The following PLCL1 variants were observed in gnomAD, a reference collection of about 807,000 sequenced individuals.
PLCL1 encodes phospholipase C like 1 (inactive).
PLCL1 carries 41 observed loss-of-function variants against 84.4 expected under a neutral mutation model. That is an observed-to-expected ratio of 0.49 (90% CI 0.38 to 0.63). The LOEUF is 0.63. PLCL1 is among the 30% of genes least tolerant of loss of function. PLCL1 has a pLI of 0.00. For missense variants in PLCL1, 1,206 were observed against 1,367.8 expected, an observed-to-expected ratio of 0.88 and a Z score of 1.87; for synonymous variants, 490 against 488.3, an observed-to-expected ratio of 1.00 and a Z score of -0.05.
intron 1 of PLCL1, among the ~76,000 whole-genome samples, chr2:197,807,559 C>T (rs1160490306): frequency 6.6e-6 from 1 of 152,214 alleles, no homozygotes; most frequent in Non-Finnish European, 1.5e-5. Flanking sequence ...ATTCTTGAAT[C>T]TGCTGCCCTG....
intron 1 of PLCL1, among the ~76,000 whole-genome samples, chr2:197,839,052 G>A (rs140467474): frequency 3.3e-4 from 50 of 152,246 alleles, no homozygotes; most frequent in African/African-American, 1.1e-3. Flanking sequence ...CTTTCATGCC[G>A]TTGTCAACTT....
At chr2:197,912,726 T>C (rs1688507315) in intron 1 of PLCL1, among the ~76,000 whole-genome samples, 2 of 137,622 alleles carry the variant, frequency 1.5e-5, no homozygotes. Flanking sequence ...TTCTCACTCA[T>C]AGGTGGGAAT....
chr2:197,914,094 G>A (rs1182042511), intron 1 of PLCL1, among the ~76,000 whole-genome samples: 1 of 152,086 alleles, frequency 6.6e-6, no homozygotes, highest in Non-Finnish European at 1.5e-5. Context: ...CACTGATAGT[G>A]TGGTCTTTCT....
intron 1 of PLCL1, among the ~76,000 whole-genome samples, chr2:197,993,774 C>T (rs1028520147): frequency 6.6e-6 from 1 of 152,194 alleles, no homozygotes; most frequent in Non-Finnish European, 1.5e-5. Context: ...TCTGCAGGTG[C>T]CTCCTGTTGG....
rs751131417 is a variant in PLCL1 at position 198,084,597 on chromosome 2, C to T, written c.1080C>T (p.Tyr360=). Residue 360 remains tyrosine, a synonymous_variant, in exon 2 of 6, where the codon TAC becomes TAT. Coordinates refer to ENST00000428675, the MANE Select transcript of PLCL1 (RefSeq NM_006226.4). ...EDICLDIIRR[Y]ELSEEGRQKG... ...TATGCTTAGACATCATAAGGAGATA[C>T]GAACTTTCTGAAGAGGGACGTCAAA... 1.1e-5 allele frequency: 18 copies of T among 1,613,642 alleles called. No homozygotes were observed. The highest frequency in any genetic ancestry group is 4.5e-5 in the East Asian group (2 of 44,890).
chr2:198,062,840 T>C (rs933818497), intron 1 of PLCL1, among the ~76,000 whole-genome samples: 19 of 152,246 alleles, frequency 1.2e-4, no homozygotes, highest in Admixed American at 1.2e-3. Context: ...GTGATTCTTA[T>C]AATCAGGTAA....
intron 1 of PLCL1, among the ~76,000 whole-genome samples, chr2:198,048,777 A>G (rs909275535): frequency 6.6e-6 from 1 of 152,200 alleles, no homozygotes; most frequent in African/African-American, 2.4e-5. Flanking sequence ...TCAACATGAG[A>G]TATGGAAGGA....
At chr2:198,024,910 T>G (rs191799959) in intron 1 of PLCL1, among the ~76,000 whole-genome samples, 1 of 152,180 alleles carries the variant, frequency 6.6e-6, no homozygotes, top group African/African-American at 2.4e-5. Flanking sequence ...CTAATGATAC[T>G]TCCATAAACA....
chr2:197,809,451 T>G (rs941448918), intron 1 of PLCL1, among the ~76,000 whole-genome samples: 18 of 152,162 alleles, frequency 1.2e-4, no homozygotes, highest in Non-Finnish European at 1.9e-4. Flanking sequence ...TCCTATGGTT[T>G]GTGGGGTACA....
chr2:198,023,126 C>A (rs1253099977), intron 1 of PLCL1, among the ~76,000 whole-genome samples: 1 of 152,124 alleles, frequency 6.6e-6, no homozygotes, highest in Admixed American at 6.5e-5. Flanking sequence ...TTTGACAAAC[C>A]TGACAAAAAC....
rs893160733 is a variant in PLCL1 at position 197,852,231 on chromosome 2, A to G, written c.240+46892A>G. On this transcript the variant is annotated intron_variant, in intron 1 of 5. Transcript: ENST00000428675. ...TCCTGTTGCACAGCTGCAATGTGGT[A>G]GGGTGGGGGAGGGAGCAGGGAGGAT... Among the ~76,000 whole-genome samples, 5 of 146,448 alleles carry G rather than the reference A, an allele frequency of 3.4e-5. No homozygotes were observed. In the East Asian group the frequency reaches 1.1e-3, roughly 31 times the overall value.
chr2:198,034,473 C>A (rs1198901728), intron 1 of PLCL1, among the ~76,000 whole-genome samples: 1 of 152,152 alleles, frequency 6.6e-6, no homozygotes, highest in Non-Finnish European at 1.5e-5. Context: ...CTGGAACCAA[C>A]CCAAATGTCC....
At chr2:198,031,502 A>G (rs898444908) in intron 1 of PLCL1, among the ~76,000 whole-genome samples, 13 of 151,604 alleles carry the variant, frequency 8.6e-5, no homozygotes, top group African/African-American at 3.1e-4. Context: ...GTATTGGTTG[A>G]TTGATTGAGA....
At chr2:197,865,329 A>G (rs1044425396) in intron 1 of PLCL1, among the ~76,000 whole-genome samples, 4 of 152,168 alleles carry the variant, frequency 2.6e-5, no homozygotes, top group Admixed American at 2.0e-4. Context: ...AAGAAATTTC[A>G]CTAGATTCCA....
At chr2:197,832,510 A>G (rs1691088789) in intron 1 of PLCL1, among the ~76,000 whole-genome samples, 1 of 152,234 alleles carries the variant, frequency 6.6e-6, no homozygotes, top group African/African-American at 2.4e-5. Flanking sequence ...GCAGTAATTA[A>G]TAACCTACCA....
intron 1 of PLCL1, among the ~76,000 whole-genome samples, chr2:197,898,460 G>A (rs1229005296): frequency 6.6e-6 from 1 of 151,918 alleles, no homozygotes; most frequent in Admixed American, 6.6e-5. Flanking sequence ...TATCAGGTTG[G>A]CATTTCACAC....
At chr2:197,848,613 A>G (rs902874575) in intron 1 of PLCL1, among the ~76,000 whole-genome samples, 1 of 152,210 alleles carries the variant, frequency 6.6e-6, no homozygotes, top group African/African-American at 2.4e-5. Context: ...TCAAAAAATA[A>G]ACAAAACATT....
intron 1 of PLCL1, among the ~76,000 whole-genome samples, chr2:198,002,875 T>C (rs1253805575): frequency 6.6e-6 from 1 of 152,214 alleles, no homozygotes; most frequent in Non-Finnish European, 1.5e-5. Context: ...GTTTGGTTGC[T>C]CTTCTACCAT....
At chr2:198,134,833 T>C (rs1694215947) in intron 5 of PLCL1, among the ~76,000 whole-genome samples, 1 of 151,990 alleles carries the variant, frequency 6.6e-6, no homozygotes, top group African/African-American at 2.4e-5. Flanking sequence ...ACTGTGGAGG[T>C]GGTGAAGCAG....
Sources: gnomAD v4.1 joint callset for allele counts (sites outside exome capture counted in the v4.1 genomes callset) on GRCh38, gnomAD v4.1.1 for gene constraint, MANE v1.5 for transcripts, NCBI Gene and HGNC (gene_info 2026-07-23, HGNC 2026-07-21) for gene names.